NPLOC4: variants seen among roughly 807,000 people sequenced by gnomAD.
The protein encoded by NPLOC4 is NPL4 homolog, ubiquitin recognition factor.
In NPLOC4, 18 loss-of-function variants were observed where a neutral mutation model predicts 80.6. The ratio of observed to expected loss-of-function variants is 0.22; its 90% CI spans 0.15 to 0.33. The LOEUF is 0.33. NPLOC4 is among the 10% of genes least tolerant of loss of function. NPLOC4 has a pLI of 1.00. For synonymous variants in NPLOC4, 313 were observed against 301.5 expected, an observed-to-expected ratio of 1.04 and a Z score of -0.39; for missense variants, 540 against 786.1, an observed-to-expected ratio of 0.69 and a Z score of 3.74.
chr17:81,583,710 C>T (rs1178484961), intron 12 of NPLOC4, among the ~76,000 whole-genome samples: 2 of 152,146 alleles, frequency 1.3e-5, no homozygotes, highest in African/African-American at 4.8e-5. Context: ...CTCATCTGTC[C>T]ACAAGGCTCT....
chr17:81,558,923 G>T lies in NPLOC4; in HGVS notation c.*336C>A. 1 of 219,102 alleles carries T rather than the reference G, an allele frequency of 4.6e-6. No individual in the cohort carries two copies. The highest frequency in any genetic ancestry group is 8.9e-6 in the Non-Finnish European group (1 of 111,754). The allele number at this position is 219,102 out of a possible 1,614,324, so 13.6% of individuals were successfully genotyped here. A position where few individuals can be genotyped will look rare whatever the true frequency, so the allele number is the denominator to read the frequency against. ...AGAAGGCTGGGTGGTGGCAGCATCG[G>T]CCCCTCCCTGTGCGCCCCAATTCCA... On this transcript the variant is annotated 3_prime_UTR_variant, in exon 17 of 17. Transcript: ENST00000331134.
intron 12 of NPLOC4, among the ~76,000 whole-genome samples, chr17:81,584,862 G>C (rs1213105490): frequency 6.6e-6 from 1 of 152,130 alleles, no homozygotes; most frequent in African/African-American, 2.4e-5. Flanking sequence ...CTTTCTAAGA[G>C]ACATTAAAGA....
At chr17:81,610,073 G>A in intron 5 of NPLOC4, 137 bp downstream of exon 5, 1 of 684,386 alleles carries the variant, frequency 1.5e-6, no homozygotes, top group Non-Finnish European at 2.6e-6. Flanking sequence ...GGAATATGAG[G>A]CCCAGGGCAA....
rs1327653860 is a variant in NPLOC4 at position 81,593,579 on chromosome 17, T to A, written c.1120+2537A>T. Among the ~76,000 whole-genome samples the A allele has an allele frequency of 4.6e-5, 7 of 152,132 alleles. 1 individual carries two copies. In the East Asian group the frequency reaches 1.4e-3, roughly 29 times the overall value. Reference sequence around the variant, plus strand: ...TTTATTTCTGCATAGTAAAGGGGTATCACAAAGTGTTCTAAAAACAGGAGT... The same window carrying A: ...TTTATTTCTGCATAGTAAAGGGGTAACACAAAGTGTTCTAAAAACAGGAGT... On this transcript the variant is annotated intron_variant, in intron 11 of 16. Transcript: ENST00000331134.
chr17:81,559,476 T>A (rs1219344028), intron 16 of NPLOC4, 60 bp from the exon 17 acceptor site: 23 of 1,531,304 alleles, frequency 1.5e-5, no homozygotes, highest in Non-Finnish European at 2.0e-5. Flanking sequence ...ACTGCCAGAG[T>A]GTGGGCATGG....
Position 81,606,725 on chromosome 17 carries a change from T to A in NPLOC4, c.620A>T (p.Lys207Met). Residue 207 changes from lysine (K) to methionine (M), a missense_variant, in exon 7 of 17, where the codon AAG (lysine) becomes ATG (methionine). Physicochemically the swap from Lys to Met is moderately conservative, Grantham distance 95. This residue lies in a region of NPLOC4 where 61 missense variants were observed against 156.7 expected (regional missense o/e 0.39). Transcript: ENST00000331134. ...CAGCGTGATGGCGCTCGGCTGGCAC[T>A]TAGTACAGATGCCATTCGGCCACGG... The part of the protein sequence containing the change: ...HLPWPNGICT[K>M]CQPSAITLNR... 1 of 1,613,850 alleles carries A rather than the reference T, an allele frequency of 6.2e-7. No homozygotes were observed.
At chr17:81,600,005 G>A (rs2035021281) in intron 9 of NPLOC4, among the ~76,000 whole-genome samples, 1 of 152,170 alleles carries the variant, frequency 6.6e-6, no homozygotes, top group Non-Finnish European at 1.5e-5. Flanking sequence ...AGAGGAGCCA[G>A]CAGGGGTGCG....
rs1476700155 is a variant in NPLOC4, at chr17:81,577,443, T to A, written c.1282-5355A>T. On this transcript the variant is annotated intron_variant, in intron 12 of 16. Transcript: ENST00000331134. This position sits in a 1 kb window ranked among gnomAD's most constrained non-coding sequence, Gnocchi z 4.3. ...ACAGCTTGGCTCATCTACTTCCGGG[T>A]TAGCTCAACGCCCTCTTCTTTTCTC... Among the ~76,000 whole-genome samples, 2 of 151,742 alleles carry A rather than the reference T, an allele frequency of 1.3e-5. No homozygotes were observed. Among genetic ancestry groups the A allele is most frequent in the Non-Finnish European group, 2.9e-5 (2 of 67,922 alleles).
chr17:81,576,562 C>T (rs921066720), intron 12 of NPLOC4, among the ~76,000 whole-genome samples: 1 of 152,010 alleles, frequency 6.6e-6, no homozygotes, highest in African/African-American at 2.4e-5. Flanking sequence ...ATGACAAAGG[C>T]AGAAATTACA....
chr17:81,623,689 T>TA (rs2144306354), intron 2 of NPLOC4, among the ~76,000 whole-genome samples: 1 of 149,996 alleles, frequency 6.7e-6, no homozygotes, highest in African/African-American at 2.5e-5. Flanking sequence ...TCCCAGCTAC[T>TA]CGGGAGGCTG....
At chr17:81,628,241 GA>G (rs1332117087) in intron 2 of NPLOC4, among the ~76,000 whole-genome samples, 1 of 148,136 alleles carries the variant, frequency 6.8e-6, no homozygotes, top group Non-Finnish European at 1.5e-5. Flanking sequence ...AAAAGAAAAA[GA>G]AAATATATCC....
Position 81,567,393 on chromosome 17 carries a change from TG to T in NPLOC4, c.1566+23del. The T allele has an allele frequency of 6.9e-7, 1 of 1,454,494 alleles. No individual in the cohort carries two copies. Among genetic ancestry groups the T allele is most frequent in the Non-Finnish European group, 9.6e-7 (1 of 1,038,160 alleles). 90.1% of individuals were successfully genotyped at this position (1,454,494 alleles called of 1,614,324 possible). A position where few individuals can be genotyped will look rare whatever the true frequency, so the allele number is the denominator to read the frequency against. On this transcript the variant is annotated intron_variant, in intron 15 of 16. Coordinates refer to ENST00000331134, the MANE Select transcript of NPLOC4 (RefSeq NM_017921.4). The surrounding 1 kb of genome is among the most constrained non-coding windows in gnomAD (Gnocchi z 4.5). ...TGCAGCCAAAGCCCACTTGCTCAAG[TG>T]GACACCACACTTGGACACGCACCTG...
At chr17:81,631,124 G>T (rs2035916246) in intron 1 of NPLOC4, among the ~76,000 whole-genome samples, 1 of 151,980 alleles carries the variant, frequency 6.6e-6, no homozygotes, top group African/African-American at 2.4e-5. Flanking sequence ...AGTGAGCCAA[G>T]ATCGTGCCAT....
chr17:81,587,673 TG>T (rs1346746634), intron 12 of NPLOC4, among the ~76,000 whole-genome samples: 1 of 109,504 alleles, frequency 9.1e-6, no homozygotes, highest in Non-Finnish European at 2.0e-5. Context: ...AGAAAAAAGT[TG>T]TTTTTTTTTT....
intron 10 of NPLOC4, among the ~76,000 whole-genome samples, chr17:81,596,944 C>T (rs926390368): frequency 1.3e-5 from 2 of 152,088 alleles, no homozygotes; most frequent in Admixed American, 1.3e-4. Context: ...AACCCCATCT[C>T]TATTAAAAAT....
chr17:81,596,116 C>T lies in NPLOC4; in HGVS notation c.1120G>A (p.Gly374Ser), dbSNP rs760838380. 1 of 1,613,792 alleles carries T rather than the reference C, an allele frequency of 6.2e-7. No individual in the cohort carries two copies. The highest frequency in any genetic ancestry group is 1.1e-5 in the South Asian group (1 of 91,076). ...ACAGTACATACTGTCCCTGTTATAC[C>T]TGTAGCCACTGCAGTAACAAACTTG... Reference protein sequence around the residue: ...GSKFVTAVATGGPDNQVHFEG... With the variant: ...GSKFVTAVATSGPDNQVHFEG... Residue 374 changes from glycine (G) to serine (S), a missense_variant and splice_region_variant, in exon 11 of 17, where the codon GGT (glycine) becomes AGT (serine). Gly to Ser is a moderately conservative substitution (Grantham distance 56). Around this residue, in one of 6 missense-constraint regions of NPLOC4, gnomAD observed 251 missense variants for 377.5 expected, o/e 0.66. Coordinates refer to ENST00000331134, the MANE Select transcript of NPLOC4 (RefSeq NM_017921.4).
At chr17:81,598,884 A>G (rs933475759) in intron 9 of NPLOC4, among the ~76,000 whole-genome samples, 6 of 152,226 alleles carry the variant, frequency 3.9e-5, no homozygotes, top group East Asian at 1.9e-4. Context: ...AGATGCCCCA[A>G]TGAATGAAAA....
intron 15 of NPLOC4, chr17:81,566,926 C>A (rs901407482): frequency 1.2e-5 from 2 of 161,854 alleles, no homozygotes; most frequent in African/African-American, 2.4e-5. Context: ...CCAACGGTGT[C>A]TCTTAAAAAT....
rs535424365 is a variant in NPLOC4 at position 81,559,166 on chromosome 17, T to C, written c.*93A>G. On this transcript the variant is annotated 3_prime_UTR_variant, in exon 17 of 17. Coordinates refer to ENST00000331134, the MANE Select transcript of NPLOC4 (RefSeq NM_017921.4). ...CCCTTGTTCCTCCAGGGCTGCCCAC[T>C]ATGGGGCAGTTACAGGGAACACACT... is the stretch of plus-strand genomic sequence containing the variant. The C allele has an allele frequency of 9.1e-5, 127 of 1,393,540 alleles. No individual in the cohort carries two copies. In the East Asian group the frequency reaches 2.7e-3, roughly 29 times the overall value. The allele number at this position is 1,393,540 out of a possible 1,614,324, so 86.3% of individuals were successfully genotyped here.
Sources: gnomAD v4.1 joint callset for allele counts (sites outside exome capture counted in the v4.1 genomes callset) on GRCh38, gnomAD v4.1.1 for gene constraint, gnomAD v4.1.1 regional missense constraint, Gnocchi (gnomAD v3.1) non-coding constraint, MANE v1.5 for transcripts, NCBI Gene and HGNC (gene_info 2026-07-23, HGNC 2026-07-21) for gene names.